The following EPB41L4A variants were observed in gnomAD, a reference collection of about 807,000 sequenced individuals.
EPB41L4A encodes band 4.1-like protein 4A.
Under a neutral mutation model 108.6 loss-of-function variants are expected in EPB41L4A, and 100 were observed. The observed-to-expected ratio is 0.92, with a 90% CI of 0.78 to 1.09. The LOEUF (loss-of-function observed/expected upper bound fraction) is 1.09. Ranked by LOEUF, EPB41L4A falls within the 50% of genes least tolerant of loss-of-function variation. EPB41L4A has a pLI of 0.00. For synonymous variants in EPB41L4A, 319 were observed against 289.0 expected, an observed-to-expected ratio of 1.10 and a Z score of -1.05; for missense variants, 1,030 against 842.7, an observed-to-expected ratio of 1.22 and a Z score of -2.75.
intron 1 of EPB41L4A, among the ~76,000 whole-genome samples, chr5:112,406,725 G>C (rs866395218): frequency 7.9e-5 from 12 of 152,166 alleles, no homozygotes; most frequent in African/African-American, 2.6e-4. Flanking sequence ...TCTGACTTCT[G>C]CCTCTACAAC....
intron 1 of EPB41L4A, among the ~76,000 whole-genome samples, chr5:112,371,705 T>A (rs1287700086): frequency 6.6e-6 from 1 of 152,094 alleles, no homozygotes; most frequent in South Asian, 2.1e-4. Context: ...GAATTCAGAC[T>A]AGAAATTGCT....
intron 1 of EPB41L4A, among the ~76,000 whole-genome samples, chr5:112,382,391 A>G (rs1760229275): frequency 1.3e-5 from 2 of 152,196 alleles, no homozygotes; most frequent in African/African-American, 4.8e-5. Context: ...TGATATGACT[A>G]TACCTGCAAT....
chr5:112,407,572 T>C (rs1762143123), intron 1 of EPB41L4A, among the ~76,000 whole-genome samples: 1 of 152,228 alleles, frequency 6.6e-6, no homozygotes, highest in Admixed American at 6.5e-5. Context: ...AAAATCCATG[T>C]ATATTTAAAT....
At chr5:112,372,734 T>C (rs1343754869) in intron 1 of EPB41L4A, among the ~76,000 whole-genome samples, 2 of 152,140 alleles carry the variant, frequency 1.3e-5, no homozygotes, top group African/African-American at 4.8e-5. Flanking sequence ...CACAGTGTAA[T>C]GGAAGCCACT....
chr5:112,381,689 G>C (rs1195565428), intron 1 of EPB41L4A, among the ~76,000 whole-genome samples: 2 of 152,256 alleles, frequency 1.3e-5, no homozygotes, highest in Non-Finnish European at 2.9e-5. Flanking sequence ...CCTGAAGCTG[G>C]GATGCTGCCT....
intron 1 of EPB41L4A, among the ~76,000 whole-genome samples, chr5:112,408,665 G>A: frequency 1.1e-5 from 1 of 89,574 alleles, no homozygotes; most frequent in Non-Finnish European, 1.9e-5. Flanking sequence ...AACATGGTGA[G>A]ACTCCATCTC....
At chr5:112,314,879 G>C (rs1244498645) in intron 1 of EPB41L4A, among the ~76,000 whole-genome samples, 2 of 152,122 alleles carry the variant, frequency 1.3e-5, no homozygotes, top group African/African-American at 4.8e-5. Flanking sequence ...CTGCCAAAAT[G>C]GGGAATTCAC....
intron 1 of EPB41L4A, among the ~76,000 whole-genome samples, chr5:112,330,287 T>C (rs182344628): frequency 9.9e-5 from 15 of 152,066 alleles, no homozygotes; most frequent in Non-Finnish European, 1.8e-4. Flanking sequence ...ATATGGATAG[T>C]TAAGGTCTCA....
chr5:112,394,743 T>G (rs1170861539), intron 1 of EPB41L4A, among the ~76,000 whole-genome samples: 3 of 152,204 alleles, frequency 2.0e-5, no homozygotes, highest in African/African-American at 2.4e-5. Flanking sequence ...AAAACTACTT[T>G]AAAGTTCATA....
At chr5:112,273,117 C>A (rs903216424) in intron 4 of EPB41L4A, among the ~76,000 whole-genome samples, 1 of 152,278 alleles carries the variant, frequency 6.6e-6, no homozygotes, top group African/African-American at 2.4e-5. Context: ...TTTTCAGGTA[C>A]ATTAATGGTA....
intron 5 of EPB41L4A, among the ~76,000 whole-genome samples, 186 bp from the exon 6 acceptor site, chr5:112,265,202 T>C (rs561279499): frequency 1.3e-5 from 2 of 152,352 alleles, no homozygotes; most frequent in South Asian, 4.1e-4. Flanking sequence ...CAACAAATTC[T>C]GGACTTAAAA....
At chr5:112,277,530 T>A (rs1752694011) in intron 3 of EPB41L4A, among the ~76,000 whole-genome samples, 1 of 152,190 alleles carries the variant, frequency 6.6e-6, no homozygotes, top group Non-Finnish European at 1.5e-5. Flanking sequence ...AACATTTGAT[T>A]CTCAACAACA....
chr5:112,198,809 T>C (rs571786544), intron 15 of EPB41L4A, among the ~76,000 whole-genome samples: 4 of 152,166 alleles, frequency 2.6e-5, no homozygotes, highest in Non-Finnish European at 4.4e-5. Context: ...TTCTTACCTT[T>C]GTATTGATAG....
chr5:112,405,933 G>A (rs1032222201), intron 1 of EPB41L4A, among the ~76,000 whole-genome samples: 8 of 152,096 alleles, frequency 5.3e-5, no homozygotes, highest in African/African-American at 1.7e-4. Flanking sequence ...GATGCTACTA[G>A]GTACACAATA....
intron 2 of EPB41L4A, among the ~76,000 whole-genome samples, chr5:112,298,105 C>T (rs539796982): frequency 1.1e-4 from 17 of 151,968 alleles, no homozygotes; most frequent in East Asian, 3.9e-4. Context: ...ACTTTGGCTA[C>T]GCAGGCTCTT....
At chr5:112,397,046 C>T (rs2112717804) in intron 1 of EPB41L4A, among the ~76,000 whole-genome samples, 1 of 152,264 alleles carries the variant, frequency 6.6e-6, no homozygotes, top group African/African-American at 2.4e-5. Flanking sequence ...AAATACTGAA[C>T]ATTATACCCA....
At chr5:112,341,839 CATAGAGCCCTGT>C (rs1757342032) in intron 1 of EPB41L4A, among the ~76,000 whole-genome samples, 1 of 152,004 alleles carries the variant, frequency 6.6e-6, no homozygotes, top group African/African-American at 2.4e-5. Flanking sequence ...ACACTCTAAA[CATAGAGCCCTGT>C]ATCAAAAAGA....
chr5:112,387,346 G>A (rs1296182495), intron 1 of EPB41L4A, among the ~76,000 whole-genome samples: 2 of 152,220 alleles, frequency 1.3e-5, no homozygotes, highest in East Asian at 3.8e-4. Context: ...CATGGAATGG[G>A]TTGGGCACGG....
intron 1 of EPB41L4A, among the ~76,000 whole-genome samples, chr5:112,337,763 TG>T (rs1259204189): frequency 2.6e-5 from 4 of 152,104 alleles, no homozygotes; most frequent in Non-Finnish European, 4.4e-5. Context: ...AAAAAAGTAC[TG>T]GGGAAAAGGT....
Sources: allele counts gnomAD v4.1 joint callset (sites outside exome capture counted in the v4.1 genomes callset), GRCh38; gene constraint gnomAD v4.1.1; transcripts MANE v1.5; gene names NCBI Gene and HGNC (gene_info 2026-07-23, HGNC 2026-07-21).